ILDR2: variants seen among roughly 807,000 people sequenced by gnomAD.
The protein encoded by ILDR2 is immunoglobulin like domain containing receptor 2.
A neutral mutation model predicts 66.8 loss-of-function variants in ILDR2; 25 were observed. The ratio of observed to expected loss-of-function variants is 0.37; its 90% CI spans 0.27 to 0.52. The LOEUF (loss-of-function observed/expected upper bound fraction) is 0.52. Among genes scored for constraint, ILDR2 ranks in the 20% least tolerant of loss-of-function variants. The pLI is 0.88. For synonymous variants in ILDR2, 367 were observed against 357.2 expected, an observed-to-expected ratio of 1.03 and a Z score of -0.31; for missense variants, 827 against 876.8, an observed-to-expected ratio of 0.94 and a Z score of 0.72.
chr1:166,965,570 G>GTTTTTTT lies in ILDR2; in HGVS notation c.47-7476_47-7470dup, dbSNP rs535388259. Among the ~76,000 whole-genome samples the GTTTTTTT allele has an allele frequency of 3.0e-3, 377 of 127,272 alleles. 12 individuals are homozygous for GTTTTTTT. The highest frequency in any genetic ancestry group is 4.6e-3 in the African/African-American group (144 of 31,500). The allele number at this position is 127,272 out of a possible 152,430, so 83.5% of individuals were successfully genotyped here. On this transcript the variant is annotated intron_variant, in intron 1 of 9. Transcript: ENST00000271417. ...TTTGCCTGCCTTCAAGTTAGGTTTT[G>GTTTTTTT]TTTTTTTTTTTGTTTTTTTTTTGAC...
intron 3 of ILDR2, among the ~76,000 whole-genome samples, chr1:166,941,960 A>G (rs1202826882): frequency 2.0e-5 from 3 of 152,228 alleles, no homozygotes; most frequent in Non-Finnish European, 4.4e-5. Context: ...AGAGCATGTT[A>G]TATCGGAAAA....
At chr1:166,927,969 G>A (rs1028259447) in intron 6 of ILDR2, among the ~76,000 whole-genome samples, 2 of 152,162 alleles carry the variant, frequency 1.3e-5, no homozygotes, top group Admixed American at 1.3e-4. Context: ...TATTGTCAGA[G>A]ACAAAGGCTG....
At chr1:166,920,226 A>G (rs1557928697) in intron 9 of ILDR2, among the ~76,000 whole-genome samples, 1 of 152,208 alleles carries the variant, frequency 6.6e-6, no homozygotes, top group Non-Finnish European at 1.5e-5. Context: ...AGTGGCTCTT[A>G]GCCTTCTCTG....
At chr1:166,940,192 G>A (rs1661226307) in intron 3 of ILDR2, among the ~76,000 whole-genome samples, 1 of 152,106 alleles carries the variant, frequency 6.6e-6, no homozygotes, top group African/African-American at 2.4e-5. Flanking sequence ...CCCACAGCTG[G>A]CATTATATGG....
chr1:166,956,873 A>G (rs370025266), intron 2 of ILDR2, 21 bp from the exon 3 acceptor site: 2 of 1,612,554 alleles, frequency 1.2e-6, no homozygotes, highest in Non-Finnish European at 1.7e-6. Flanking sequence ...AAAAAGAAGG[A>G]CTCAGTCCTA....
intron 3 of ILDR2, among the ~76,000 whole-genome samples, chr1:166,951,184 A>G (rs924436085): frequency 1.3e-5 from 2 of 152,198 alleles, no homozygotes; most frequent in Admixed American, 1.3e-4. Context: ...ACCCCCAACA[A>G]CAGGACTTTT....
rs751993261 is a variant in ILDR2 at position 166,921,409 on chromosome 1, G to A, written c.1212-30C>T. ...GGGCAGAGAAGGAGGGGGTCAGACG[G>A]CCGGTCCCTCCCTGGAGCTCCAGGT... On this transcript the variant is annotated intron_variant, in intron 8 of 9. Coordinates refer to ENST00000271417, the MANE Select transcript of ILDR2 (RefSeq NM_199351.3). This position sits in a 1 kb window ranked among gnomAD's most constrained non-coding sequence, Gnocchi z 5.3. The A allele has an allele frequency of 2.0e-6, 3 of 1,514,652 alleles. No homozygotes were observed. Among genetic ancestry groups the A allele is most frequent in the East Asian group, 2.3e-5 (1 of 43,126 alleles). The allele number at this position is 1,514,652 out of a possible 1,614,324, so 93.8% of individuals were successfully genotyped here. A position where few individuals can be genotyped will look rare whatever the true frequency, so the allele number is the denominator to read the frequency against.
intron 1 of ILDR2, among the ~76,000 whole-genome samples, chr1:166,966,350 G>C (rs374135162): frequency 6.6e-6 from 1 of 152,062 alleles, no homozygotes; most frequent in African/African-American, 2.4e-5. Flanking sequence ...TTAGGATTAG[G>C]GTAACCAGAT....
At chr1:166,897,559 A>G (rs559697985) in intron 2 of ILDR2, among the ~76,000 whole-genome samples, 73 of 152,348 alleles carry the variant, frequency 4.8e-4, no homozygotes, top group Middle Eastern at 3.4e-3. Context: ...TGGACCTCCC[A>G]ACCTTAGGGA....
intron 4 of ILDR2, among the ~76,000 whole-genome samples, chr1:166,937,918 C>G (rs1661081039): frequency 6.6e-6 from 1 of 152,094 alleles, no homozygotes; most frequent in South Asian, 2.1e-4. Flanking sequence ...TTCCTGGGAG[C>G]TTGAGAATAT....
At chr1:166,902,733 G>A (rs1405168507) in intron 2 of ILDR2, among the ~76,000 whole-genome samples, 1 of 152,164 alleles carries the variant, frequency 6.6e-6, no homozygotes. Context: ...ACATTTTGTA[G>A]GCTAATAAAT....
At chr1:166,969,539 C>T (rs552278548) in intron 1 of ILDR2, among the ~76,000 whole-genome samples, 1 of 152,364 alleles carries the variant, frequency 6.6e-6, no homozygotes, top group Admixed American at 6.5e-5. Context: ...AGTTTCTGCT[C>T]TGTCACTGGG....
chr1:166,896,439 C>T (rs573773045), intron 2 of ILDR2, among the ~76,000 whole-genome samples: 1 of 151,880 alleles, frequency 6.6e-6, no homozygotes, highest in Non-Finnish European at 1.5e-5. Flanking sequence ...TGCTATTGAA[C>T]AAGACAGTCA....
Position 166,922,668 on chromosome 1 carries a change from C to G in ILDR2, c.1136G>C (p.Gly379Ala). Residue 379 changes from glycine to alanine, a missense_variant, in exon 8 of 10, where the codon GGA (glycine) becomes GCA (alanine). Transcript: ENST00000271417. Reference sequence around the variant, plus strand: ...CCCGCGGCTTGCCCCACTGCTGCCTCCCATGACACCTGACCAATAGTCAGG... The same window carrying G: ...CCCGCGGCTTGCCCCACTGCTGCCTGCCATGACACCTGACCAATAGTCAGG... ...SNPDYWSGVM[G>A]GSSGASRGPS... is the part of the protein sequence containing the mutation. The G allele has an allele frequency of 6.2e-7, 1 of 1,614,192 alleles. No homozygotes were observed. Among genetic ancestry groups the G allele is most frequent in the Non-Finnish European group, 8.5e-7 (1 of 1,180,028 alleles).
intron 7 of ILDR2, among the ~76,000 whole-genome samples, chr1:166,925,995 G>A (rs1308316640): frequency 6.6e-6 from 1 of 152,232 alleles, no homozygotes; most frequent in Non-Finnish European, 1.5e-5. Flanking sequence ...AGTGACATCT[G>A]CATTCCTGAC....
Position 166,896,688 on chromosome 1 carries a change from T to G in ILDR2, n.172-587A>C, listed in dbSNP as rs192251741. Among the ~76,000 whole-genome samples, 14 of 150,012 alleles carry G rather than the reference T, an allele frequency of 9.3e-5. No homozygotes were observed. The East Asian group carries it at 2.7e-3, about 29-fold the overall frequency. On this transcript the variant is annotated intron_variant and non_coding_transcript_variant, in intron 2 of 2. Transcript: ENST00000414590. ...CTCACTCTTGTTGCCCAGGCTGGAG[T>G]GCAATGGCACGATTTTGGCTCACTG...
intron 1 of ILDR2, among the ~76,000 whole-genome samples, chr1:166,965,080 C>T (rs1266673704): frequency 2.0e-5 from 3 of 152,164 alleles, no homozygotes; most frequent in African/African-American, 4.8e-5. Context: ...CACCCCTTAA[C>T]TCTTTGAGTA....
intron 1 of ILDR2, among the ~76,000 whole-genome samples, chr1:166,962,312 T>C (rs1157747300): frequency 1.3e-5 from 2 of 152,170 alleles, no homozygotes; most frequent in African/African-American, 4.8e-5. Context: ...GTTTACCTTA[T>C]TTAGAGACTG....
chr1:166,932,049 C>G (rs1660670172), intron 6 of ILDR2, among the ~76,000 whole-genome samples: 1 of 152,158 alleles, frequency 6.6e-6, no homozygotes, highest in African/African-American at 2.4e-5. Context: ...TAAGGTTTCC[C>G]AGGGAGAGGA....
Sources: allele counts gnomAD v4.1 joint callset (sites outside exome capture counted in the v4.1 genomes callset), GRCh38; gene constraint gnomAD v4.1.1; non-coding constraint Gnocchi (gnomAD v3.1); transcripts MANE v1.5; gene names NCBI Gene and HGNC (gene_info 2026-07-23, HGNC 2026-07-21).